UBTD2: variants seen among roughly 807,000 people sequenced by gnomAD.
UBTD2 encodes ubiquitin domain-containing protein 2.
A neutral mutation model predicts 19.8 loss-of-function variants in UBTD2; 9 were observed. The observed-to-expected ratio is 0.46, with a 90% CI of 0.27 to 0.79. The LOEUF (loss-of-function observed/expected upper bound fraction) is 0.79, where lower values mean the gene tolerates loss of function less well. UBTD2 is among the 30% of genes least tolerant of loss of function. UBTD2 has a pLI of 0.14. For synonymous variants in UBTD2, 98 were observed against 103.9 expected, an observed-to-expected ratio of 0.94 and a Z score of 0.35; for missense variants, 250 against 300.4, an observed-to-expected ratio of 0.83 and a Z score of 1.24.
At chr5:172,241,323 C>T (rs12521828) in intron 1 of UBTD2, among the ~76,000 whole-genome samples, 45,468 of 151,080 alleles carry the variant, frequency 0.3, 6,953 homozygotes, top group South Asian at 0.42. Flanking sequence ...GCAGGAAAAT[C>T]GCTTGAACCC....
intron 1 of UBTD2, among the ~76,000 whole-genome samples, chr5:172,275,481 G>T (rs1755589134): frequency 6.6e-6 from 1 of 152,136 alleles, no homozygotes; most frequent in African/African-American, 2.4e-5. Flanking sequence ...CACAAGCAGA[G>T]ACCTGCTTCC....
rs777006247 is a variant in UBTD2 at position 172,211,924 on chromosome 5, T to G, written c.611A>C (p.Lys204Thr). 7 of 1,614,104 alleles carry G rather than the reference T, an allele frequency of 4.3e-6. No individual in the cohort carries two copies. Among genetic ancestry groups the G allele is most frequent in the Non-Finnish European group, 5.9e-6 (7 of 1,180,048 alleles). The change falls in exon 3 of 3, where the codon AAA (lysine) becomes ACA (threonine). Residue 204 changes from lysine to threonine, a missense_variant. By Grantham distance (78) the Lys-to-Thr change is moderately conservative (BLOSUM62 -1). Coordinates refer to ENST00000393792, the MANE Select transcript of UBTD2 (RefSeq NM_152277.3). ...GATCTTCAGCTCTTCGAACTTCATTTTGTCAGTGAGAGGTCTGCCAGAAAA... is the reference window on the plus strand; with the variant it reads ...GATCTTCAGCTCTTCGAACTTCATTGTGTCAGTGAGAGGTCTGCCAGAAAA... The part of the protein sequence containing the change: ...WFFSGRPLTD[K>T]MKFEELKIPK...
At chr5:172,270,829 T>C (rs560048134) in intron 1 of UBTD2, among the ~76,000 whole-genome samples, 1 of 152,268 alleles carries the variant, frequency 6.6e-6, no homozygotes, top group South Asian at 2.1e-4. Context: ...GAATTTTATA[T>C]AAAATAACCT....
chr5:172,224,837 A>G (rs2113882353), intron 2 of UBTD2, among the ~76,000 whole-genome samples: 1 of 152,352 alleles, frequency 6.6e-6, no homozygotes, highest in African/African-American at 2.4e-5. Context: ...GGTTTGCTTA[A>G]AGAAACCCAG....
chr5:172,219,791 C>T (rs958649877), intron 2 of UBTD2, among the ~76,000 whole-genome samples: 3 of 152,174 alleles, frequency 2.0e-5, no homozygotes, highest in African/African-American at 7.2e-5. Context: ...AGTTAAAACA[C>T]AGTGCGTGAC....
intron 1 of UBTD2, among the ~76,000 whole-genome samples, chr5:172,279,970 G>A (rs1039443485): frequency 1.3e-5 from 2 of 152,102 alleles, no homozygotes; most frequent in Non-Finnish European, 2.9e-5. Flanking sequence ...GCACGGTGGC[G>A]CACGCCGGTA....
chr5:172,259,739 G>A (rs556225764), intron 1 of UBTD2, among the ~76,000 whole-genome samples: 1 of 152,096 alleles, frequency 6.6e-6, no homozygotes, highest in South Asian at 2.1e-4. Flanking sequence ...AGCAAGGTCA[G>A]AATAAGCTTT....
At chr5:172,275,610 T>C (rs769049212) in intron 1 of UBTD2, among the ~76,000 whole-genome samples, 30 of 152,156 alleles carry the variant, frequency 2.0e-4, no homozygotes, top group Non-Finnish European at 3.7e-4. Context: ...ACTCAATTCT[T>C]AGTATTTTCC....
Position 172,210,966 on chromosome 5 carries a change from T to C in UBTD2, c.*864A>G, listed in dbSNP as rs890250972. 2.0e-5 allele frequency: 3 copies of C among 152,118 alleles called. No individual in the cohort carries two copies. The highest frequency in any genetic ancestry group is 2.1e-4 in the South Asian group (1 of 4,822). 9.4% of individuals were successfully genotyped at this position (152,118 alleles called of 1,614,324 possible). On this transcript the variant is annotated 3_prime_UTR_variant, in exon 3 of 3. Transcript: ENST00000393792. ...TATGAAAAGTTCCAAGCAGAATAGA[T>C]AGATCAATGAAGGTACTATATAGTA...
chr5:172,244,454 G>A (rs1248647530), intron 1 of UBTD2, among the ~76,000 whole-genome samples: 1 of 151,696 alleles, frequency 6.6e-6, no homozygotes, highest in Non-Finnish European at 1.5e-5. Context: ...GCGCCACCAC[G>A]CCCGGCTAAT....
At chr5:172,274,627 T>G (rs973191551) in intron 1 of UBTD2, among the ~76,000 whole-genome samples, 1 of 152,364 alleles carries the variant, frequency 6.6e-6, no homozygotes, top group South Asian at 2.1e-4. Context: ...TCAAAAGGGC[T>G]ACTGGTATAT....
Position 172,283,452 on chromosome 5 carries a change from C to T in UBTD2, c.70+144G>A. 3.3e-6 allele frequency: 2 copies of T among 610,910 alleles called. No individual in the cohort carries two copies. Among genetic ancestry groups the T allele is most frequent in the Non-Finnish European group, 4.7e-6 (2 of 429,848 alleles). The allele number at this position is 610,910 out of a possible 1,614,324, so 37.8% of individuals were successfully genotyped here. A position where few individuals can be genotyped will look rare whatever the true frequency, so the allele number is the denominator to read the frequency against. ...CGACCCCCGCGGCTGGCAGGACAGCCGGAAGCGGAGCGCGGGGAATGACGT... is the reference window on the plus strand; with the variant it reads ...CGACCCCCGCGGCTGGCAGGACAGCTGGAAGCGGAGCGCGGGGAATGACGT... On this transcript the variant is annotated intron_variant, in intron 1 of 2. Coordinates refer to ENST00000393792, the MANE Select transcript of UBTD2 (RefSeq NM_152277.3). The surrounding 1 kb of genome is among the most constrained non-coding windows in gnomAD (Gnocchi z 4.3).
intron 1 of UBTD2, among the ~76,000 whole-genome samples, chr5:172,250,327 TG>T: frequency 6.6e-6 from 1 of 152,276 alleles, no homozygotes; most frequent in Non-Finnish European, 1.5e-5. Flanking sequence ...AACTTTACAG[TG>T]AAGAAAGTTG....
At chr5:172,245,092 T>C (rs775858173) in intron 1 of UBTD2, among the ~76,000 whole-genome samples, 23 of 152,262 alleles carry the variant, frequency 1.5e-4, no homozygotes, top group Admixed American at 3.3e-4. Context: ...TAACACTCAA[T>C]AAGAAAAGCT....
At chr5:172,264,860 A>G (rs546161260) in intron 1 of UBTD2, among the ~76,000 whole-genome samples, 268 of 152,282 alleles carry the variant, frequency 1.8e-3, no homozygotes, top group Non-Finnish European at 3.1e-3. Context: ...TGGGAGACAG[A>G]GGGGGACCCC....
At chr5:172,265,627 C>G (rs1371610003) in intron 1 of UBTD2, among the ~76,000 whole-genome samples, 1 of 152,152 alleles carries the variant, frequency 6.6e-6, no homozygotes, top group Non-Finnish European at 1.5e-5. Flanking sequence ...CCGTGCCTGG[C>G]CACTGAGTAG....
rs553830163 is a variant in UBTD2, at chr5:172,228,491, C to A, written c.307+5631G>T. Among the ~76,000 whole-genome samples the A allele has an allele frequency of 1.4e-4, 22 of 152,164 alleles. No homozygotes were observed. In the South Asian group the frequency reaches 4.4e-3, roughly 30 times the overall value. On this transcript the variant is annotated intron_variant, in intron 2 of 2. Coordinates refer to ENST00000393792, the MANE Select transcript of UBTD2 (RefSeq NM_152277.3). ...ATCCCAGCACTTTGGGAGGCCGAGG[C>A]GGGTGGATTACTTGAGGTCAGGAGA...
intron 1 of UBTD2, among the ~76,000 whole-genome samples, chr5:172,251,626 G>GAA (rs60201763): frequency 2.5e-4 from 36 of 142,330 alleles, no homozygotes; most frequent in Middle Eastern, 3.6e-3. Context: ...AAAGTGCAAT[G>GAA]AAAAAAAAAA....
intron 1 of UBTD2, among the ~76,000 whole-genome samples, chr5:172,240,181 T>C (rs2113900231): frequency 6.6e-6 from 1 of 152,278 alleles, no homozygotes; most frequent in Non-Finnish European, 1.5e-5. Flanking sequence ...ACTTAATCTA[T>C]GTTGTGGAGA....
Sources: gnomAD v4.1 joint callset for allele counts (sites outside exome capture counted in the v4.1 genomes callset) on GRCh38, gnomAD v4.1.1 for gene constraint, Gnocchi (gnomAD v3.1) non-coding constraint, MANE v1.5 for transcripts, NCBI Gene and HGNC (gene_info 2026-07-23, HGNC 2026-07-21) for gene names.